GPR158: variants seen among roughly 807,000 people sequenced by gnomAD.
GPR158 encodes G protein-coupled receptor 158.
Under a neutral mutation model 78.2 loss-of-function variants are expected in GPR158, and 30 were observed. The ratio of observed to expected loss-of-function variants is 0.38; its 90% CI spans 0.29 to 0.52. The LOEUF (loss-of-function observed/expected upper bound fraction) is 0.52, where lower values mean the gene tolerates loss of function less well. Among genes scored for constraint, GPR158 ranks in the 20% least tolerant of loss-of-function variants. GPR158 has a pLI of 0.83. For missense variants in GPR158, 1,463 were observed against 1,523.5 expected, an observed-to-expected ratio of 0.96 and a Z score of 0.66; for synonymous variants, 581 against 591.1, an observed-to-expected ratio of 0.98 and a Z score of 0.25.
chr10:25,248,279 T>C (rs1024161662), intron 2 of GPR158, among the ~76,000 whole-genome samples: 1 of 152,098 alleles, frequency 6.6e-6, no homozygotes, highest in Non-Finnish European at 1.5e-5. Flanking sequence ...CTATTCACTC[T>C]GATGGTAGTT....
chr10:25,202,237 T>G (rs1033303309), intron 1 of GPR158, among the ~76,000 whole-genome samples: 2 of 152,098 alleles, frequency 1.3e-5, no homozygotes, highest in African/African-American at 4.8e-5. Context: ...TGGGAGGCTG[T>G]ATGTCTCTAG....
intron 4 of GPR158, among the ~76,000 whole-genome samples, chr10:25,413,353 A>T (rs1398305840): frequency 6.6e-6 from 1 of 152,192 alleles, no homozygotes; most frequent in Non-Finnish European, 1.5e-5. Context: ...AGAGGTGCGT[A>T]GAAGCATTTG....
At position 25,439,317 on chromosome 10, in the gene GPR158, A is replaced by G. The variant is rs146666222; in HGVS notation, c.1335+26844A>G. The stretch of plus-strand genomic sequence containing the variant: ...ACACCTTATAAAATTGTCAGATCTC[A>G]TGAGACGTATTCACTACCATGAGAA... On this transcript the variant is annotated intron_variant, in intron 4 of 10. Transcript: ENST00000376351. Among the ~76,000 whole-genome samples the G allele has an allele frequency of 5.4e-4, 83 of 152,316 alleles. 3 individuals carry two copies. The East Asian group carries it at 0.013, about 24-fold the overall frequency.
At chr10:25,265,118 G>A (rs1854026288) in intron 2 of GPR158, among the ~76,000 whole-genome samples, 1 of 152,106 alleles carries the variant, frequency 6.6e-6, no homozygotes, top group South Asian at 2.1e-4. Context: ...TAATGTGTTA[G>A]ACTTTATTTA....
intron 2 of GPR158, among the ~76,000 whole-genome samples, chr10:25,379,726 A>AT (rs1225585927): frequency 1.1e-5 from 1 of 88,660 alleles, no homozygotes; most frequent in Non-Finnish European, 2.2e-5. Flanking sequence ...CCCAAACTTG[A>AT]TTTTTTCTTT....
chr10:25,291,035 C>G (rs11014489), intron 2 of GPR158, among the ~76,000 whole-genome samples: 1 of 151,990 alleles, frequency 6.6e-6, no homozygotes, highest in African/African-American at 2.4e-5. Context: ...ACATTGCCTT[C>G]TGCATGCAGC....
At chr10:25,264,137 G>A (rs976634902) in intron 2 of GPR158, among the ~76,000 whole-genome samples, 1 of 151,976 alleles carries the variant, frequency 6.6e-6, no homozygotes, top group Non-Finnish European at 1.5e-5. Context: ...TCCTTTTAAT[G>A]AGTCACACCT....
At chr10:25,237,272 A>C (rs1025954964) in intron 2 of GPR158, among the ~76,000 whole-genome samples, 7 of 152,174 alleles carry the variant, frequency 4.6e-5, no homozygotes, top group Non-Finnish European at 1.0e-4. Flanking sequence ...CTGGTTATTC[A>C]TGGAACTCTT....
intron 2 of GPR158, among the ~76,000 whole-genome samples, chr10:25,319,822 A>ACCCCCC (rs11379091): frequency 7.5e-6 from 1 of 134,086 alleles, no homozygotes; most frequent in Non-Finnish European, 1.6e-5. Flanking sequence ...TGAACACCCC[A>ACCCCCC]CCCCCCCCAA....
intron 2 of GPR158, among the ~76,000 whole-genome samples, chr10:25,242,738 G>A (rs545990607): frequency 3.9e-5 from 6 of 152,262 alleles, no homozygotes; most frequent in South Asian, 4.1e-4. Flanking sequence ...TAACTTGAGT[G>A]TACTTTTTTT....
chr10:25,464,098 GA>G (rs1835392308), intron 4 of GPR158, among the ~76,000 whole-genome samples: 1 of 152,186 alleles, frequency 6.6e-6, no homozygotes, highest in Non-Finnish European at 1.5e-5. Context: ...TTTATAATCT[GA>G]AATTATGGGC....
chr10:25,444,403 A>G (rs1263432154), intron 4 of GPR158, among the ~76,000 whole-genome samples: 1 of 150,510 alleles, frequency 6.6e-6, no homozygotes, highest in Non-Finnish European at 1.5e-5. Flanking sequence ...GGTGTCGTGT[A>G]TGTGGGTGAG....
At chr10:25,377,157 A>G (rs1673355771) in intron 2 of GPR158, among the ~76,000 whole-genome samples, 2 of 151,730 alleles carry the variant, frequency 1.3e-5, no homozygotes, top group Admixed American at 6.6e-5. Context: ...TGGCTCTCCA[A>G]TTATAGGTAT....
At position 25,473,683 on chromosome 10, in the gene GPR158, T is replaced by C. The variant is rs538562454; in HGVS notation, c.1404+6964T>C. Among the ~76,000 whole-genome samples, 8 of 152,176 alleles carry C rather than the reference T, an allele frequency of 5.3e-5. No homozygotes were observed. The South Asian group carries it at 1.7e-3, about 32-fold the overall frequency. On this transcript the variant is annotated intron_variant, in intron 5 of 10. Transcript: ENST00000376351. ...CAACTTCTTTCTGGTTTAGTCTCAGTAGAGTGTATGTGTCGAGGAATTTAT... is the reference window on the plus strand; with the variant it reads ...CAACTTCTTTCTGGTTTAGTCTCAGCAGAGTGTATGTGTCGAGGAATTTAT...
At chr10:25,513,149 T>C (rs2130671390) in intron 5 of GPR158, among the ~76,000 whole-genome samples, 1 of 151,928 alleles carries the variant, frequency 6.6e-6, no homozygotes, top group East Asian at 1.9e-4. Flanking sequence ...AATTCAGCTG[T>C]GAATTCATCT....
At chr10:25,415,957 A>G in intron 4 of GPR158, among the ~76,000 whole-genome samples, 1 of 152,118 alleles carries the variant, frequency 6.6e-6, no homozygotes. Context: ...AATATGCTAA[A>G]AACTACTGGA....
At chr10:25,258,175 TA>T (rs1352410859) in intron 2 of GPR158, among the ~76,000 whole-genome samples, 1 of 152,184 alleles carries the variant, frequency 6.6e-6, no homozygotes, top group Non-Finnish European at 1.5e-5. Context: ...AGCACAATCT[TA>T]AACTAAGTGT....
intron 4 of GPR158, among the ~76,000 whole-genome samples, chr10:25,461,514 G>A (rs1436775647): frequency 6.6e-6 from 1 of 152,166 alleles, no homozygotes; most frequent in African/African-American, 2.4e-5. Context: ...CAGAAGAAAA[G>A]TTAGAAGCTA....
At chr10:25,583,684 T>G (rs1255867703) in intron 7 of GPR158, among the ~76,000 whole-genome samples, 1 of 152,162 alleles carries the variant, frequency 6.6e-6, no homozygotes, top group African/African-American at 2.4e-5. Context: ...ACCATGAATT[T>G]TTTAAGTGGA....
Sources: allele counts gnomAD v4.1 joint callset (sites outside exome capture counted in the v4.1 genomes callset), GRCh38; gene constraint gnomAD v4.1.1; transcripts MANE v1.5; gene names NCBI Gene and HGNC (gene_info 2026-07-23, HGNC 2026-07-21).